The following SFXN5 variants were observed in gnomAD, a reference collection of about 807,000 sequenced individuals.
The protein encoded by SFXN5 is sideroflexin 5.
Under a neutral mutation model 50.2 loss-of-function variants are expected in SFXN5, and 43 were observed. The ratio of observed to expected loss-of-function variants is 0.86; its 90% CI spans 0.67 to 1.11. SFXN5 has a LOEUF of 1.11. Among genes scored for constraint, SFXN5 ranks in the 50% least tolerant of loss-of-function variants. The pLI is 0.00. For missense variants in SFXN5, 463 were observed against 454.1 expected, an observed-to-expected ratio of 1.02 and a Z score of -0.18; for synonymous variants, 203 against 185.8, an observed-to-expected ratio of 1.09 and a Z score of -0.75.
intron 3 of SFXN5, among the ~76,000 whole-genome samples, chr2:73,039,003 T>C (rs1402021311): frequency 1.3e-5 from 2 of 152,190 alleles, no homozygotes; most frequent in Non-Finnish European, 2.9e-5. Context: ...CTCGACTCAC[T>C]GCAACCTCCA....
chr2:72,947,924 T>C (rs1361078171), intron 13 of SFXN5, among the ~76,000 whole-genome samples: 1 of 152,170 alleles, frequency 6.6e-6, no homozygotes, highest in Non-Finnish European at 1.5e-5. Flanking sequence ...CTAAATGCTT[T>C]TGAAAATGTT....
chr2:72,955,163 T>C (rs1337073360), intron 13 of SFXN5, among the ~76,000 whole-genome samples: 1 of 152,176 alleles, frequency 6.6e-6, no homozygotes, highest in Non-Finnish European at 1.5e-5. Context: ...TGTGGACACA[T>C]TTCAACCTCA....
At chr2:72,981,994 TGTGC>T (rs1252983783) in intron 10 of SFXN5, among the ~76,000 whole-genome samples, 4 of 143,000 alleles carry the variant, frequency 2.8e-5, no homozygotes, top group Non-Finnish European at 3.1e-5. Context: ...TGTGTGTGTG[TGTGC>T]GTGCCATTTT....
chr2:72,990,236 G>A (rs907615793), intron 9 of SFXN5, among the ~76,000 whole-genome samples: 2 of 152,220 alleles, frequency 1.3e-5, no homozygotes, highest in African/African-American at 4.8e-5. Context: ...TAAGTCTCAG[G>A]CTGATCCTCA....
chr2:73,042,995 G>A (rs1023726499), intron 2 of SFXN5, among the ~76,000 whole-genome samples: 18 of 152,204 alleles, frequency 1.2e-4, no homozygotes, highest in African/African-American at 4.1e-4. Flanking sequence ...TTGAACCTGG[G>A]GGGCAAAGGT....
intron 6 of SFXN5, among the ~76,000 whole-genome samples, chr2:73,006,600 C>T (rs556203451): frequency 1.1e-4 from 17 of 150,722 alleles, no homozygotes; most frequent in Middle Eastern, 3.5e-3. Context: ...CCAGCCTGGG[C>T]GACAGAGCCC....
intron 1 of SFXN5, 98 bp from the exon 2 acceptor site, chr2:73,058,694 G>A (rs1056370347): frequency 1.1e-4 from 129 of 1,128,176 alleles, no homozygotes; most frequent in Non-Finnish European, 1.3e-4. Context: ...GGGGTCCCCC[G>A]GTCCCCAGGA....
At chr2:72,968,592 A>C (rs891860283) in intron 11 of SFXN5, 59 bp from the exon 12 acceptor site, 4 of 1,534,864 alleles carry the variant, frequency 2.6e-6, no homozygotes, top group Non-Finnish European at 3.6e-6. Context: ...AGGACAGCAC[A>C]CCACCCAGAG....
chr2:72,999,787 C>T (rs1453110178), intron 8 of SFXN5, among the ~76,000 whole-genome samples: 3 of 152,142 alleles, frequency 2.0e-5, no homozygotes, highest in Admixed American at 6.5e-5. Context: ...ACTGACAGGC[C>T]CCCAAAGGGG....
chr2:73,034,622 G>A (rs1425523238), intron 3 of SFXN5, among the ~76,000 whole-genome samples: 3 of 152,216 alleles, frequency 2.0e-5, no homozygotes, highest in African/African-American at 7.2e-5. Context: ...AACCTCTGGG[G>A]AATGTTGAAT....
At chr2:72,957,850 G>A (rs11884345) in intron 13 of SFXN5, among the ~76,000 whole-genome samples, 4,041 of 152,346 alleles carry the variant, frequency 0.027, 174 homozygotes, top group African/African-American at 0.093. Flanking sequence ...CATAGCTGAG[G>A]AGGGAGCTCT....
rs566999513 is a variant in SFXN5, at chr2:72,956,754, C to T, written c.945+4377G>A. Among the ~76,000 whole-genome samples, 20 of 152,290 alleles carry T rather than the reference C, an allele frequency of 1.3e-4. No individual in the cohort carries two copies. The East Asian group carries it at 3.9e-3, about 29-fold the overall frequency. ...ACTGGACCCAGGGACTCCATAGAGGCCATGCCTTCCCGCCTTGGGCTCTGG... is the reference window on the plus strand; with the variant it reads ...ACTGGACCCAGGGACTCCATAGAGGTCATGCCTTCCCGCCTTGGGCTCTGG... On this transcript the variant is annotated intron_variant, in intron 13 of 13. Transcript: ENST00000272433.
chr2:73,020,234 C>T lies in SFXN5; in HGVS notation c.357+5G>A. 1 of 1,613,780 alleles carries T rather than the reference C, an allele frequency of 6.2e-7. No individual in the cohort carries two copies. The highest frequency in any genetic ancestry group is 1.1e-5 in the South Asian group (1 of 91,006). On this transcript the variant is annotated splice_donor_5th_base_variant and intron_variant, in intron 6 of 13. Transcript: ENST00000272433. ...AAAAGGAAATCCTTTGAAGGTAACA[C>T]TTACAATTGGCGTCCCAAAAGGAAT...
intron 7 of SFXN5, among the ~76,000 whole-genome samples, 191 bp from the exon 8 acceptor site, chr2:73,000,678 T>C (rs1379129026): frequency 3.3e-5 from 5 of 152,128 alleles, no homozygotes; most frequent in Non-Finnish European, 5.9e-5. Context: ...GTGTTAGCAC[T>C]GGAAGCCCTG....
intron 12 of SFXN5, among the ~76,000 whole-genome samples, chr2:72,965,930 G>A (rs1163134702): frequency 6.6e-6 from 1 of 152,218 alleles, no homozygotes; most frequent in Non-Finnish European, 1.5e-5. Context: ...GCTGTAGGAT[G>A]TGTTGGGAAT....
chr2:73,047,251 T>TATATATATATATATATATACACACACAC (rs1680529936), intron 2 of SFXN5, among the ~76,000 whole-genome samples: 5 of 27,582 alleles, frequency 1.8e-4, no homozygotes, highest in South Asian at 1.5e-3. Flanking sequence ...AAAAAATATA[T>TATATATATATATATATATACACACACAC]ATATATATAT....
In SFXN5 at chr2:73,064,585, AT is replaced by A. The variant is rs1248540316; in HGVS notation, c.103-5990del. ...TTATTTCAAGCAAACTATGAGACAT[AT>A]CCCCCCTGCCTCCCAACTCTCAGCC... On this transcript the variant is annotated intron_variant, in intron 1 of 13. Coordinates refer to ENST00000272433, the MANE Select transcript of SFXN5 (RefSeq NM_144579.3). 2.0e-5 allele frequency among the ~76,000 whole-genome samples: 3 copies of A among 152,210 alleles called. No homozygotes were observed. In the East Asian group the frequency reaches 5.8e-4, roughly 29 times the overall value.
rs1020648052 is a variant in SFXN5 at position 72,961,440 on chromosome 2, C to G, written c.828-192G>C. Among the ~76,000 whole-genome samples the G allele has an allele frequency of 1.3e-5, 2 of 152,194 alleles. No homozygotes were observed. The highest frequency in any genetic ancestry group is 4.8e-5 in the African/African-American group (2 of 41,442). The stretch of plus-strand genomic sequence containing the variant: ...TTCCCGATAGGTACCCCTATCCCAG[C>G]GGGTATAGACCCCTATCCCAATGTC... On this transcript the variant is annotated intron_variant, in intron 12 of 13. Transcript: ENST00000272433. This position sits in a 1 kb window ranked among gnomAD's most constrained non-coding sequence, Gnocchi z 4.4.
At chr2:73,052,386 GTGTGTGA>G in intron 2 of SFXN5, among the ~76,000 whole-genome samples, 1 of 150,706 alleles carries the variant, frequency 6.6e-6, no homozygotes, top group African/African-American at 2.5e-5. Flanking sequence ...GTGTGTGTGT[GTGTGTGA>G]TGAGTGCATA....
Sources: gnomAD v4.1 joint callset for allele counts (sites outside exome capture counted in the v4.1 genomes callset) on GRCh38, gnomAD v4.1.1 for gene constraint, Gnocchi (gnomAD v3.1) non-coding constraint, MANE v1.5 for transcripts, NCBI Gene and HGNC (gene_info 2026-07-23, HGNC 2026-07-21) for gene names.